The following ZCCHC7 variants were observed in gnomAD, a reference collection of about 807,000 sequenced individuals.
ZCCHC7 encodes the protein zinc finger CCHC domain-containing protein 7.
ZCCHC7 carries 35 observed loss-of-function variants against 52.0 expected under a neutral mutation model. The observed-to-expected ratio is 0.67, with a 90% CI of 0.51 to 0.89. The LOEUF is 0.89. ZCCHC7 is among the 40% of genes least tolerant of loss of function. ZCCHC7 has a pLI of 0.00. For synonymous variants in ZCCHC7, 217 were observed against 221.5 expected, an observed-to-expected ratio of 0.98 and a Z score of 0.18; for missense variants, 574 against 649.1, an observed-to-expected ratio of 0.88 and a Z score of 1.26.
rs796755394 is a variant in ZCCHC7, at chr9:37,258,901, G to C, written c.611-43287G>C. Among the ~76,000 whole-genome samples, 21 of 151,458 alleles carry C rather than the reference G, an allele frequency of 1.4e-4. 1 individual carries two copies. The South Asian group carries it at 4.4e-3, about 32-fold the overall frequency. ...CTTTTAAGATCAGGATTGTAGGATT[G>C]TAGCACAGAAGTTAAAGAAAAGTGG... On this transcript the variant is annotated intron_variant, in intron 2 of 8. Coordinates refer to ENST00000336755, the MANE Select transcript of ZCCHC7 (RefSeq NM_032226.3).
chr9:37,229,377 G>A (rs576355306), intron 2 of ZCCHC7, among the ~76,000 whole-genome samples: 2 of 152,204 alleles, frequency 1.3e-5, no homozygotes, highest in East Asian at 3.9e-4. Context: ...GTGTAGTTAG[G>A]TGATTTTATC....
At chr9:37,205,843 A>G (rs1823878354) in intron 2 of ZCCHC7, among the ~76,000 whole-genome samples, 1 of 151,942 alleles carries the variant, frequency 6.6e-6, no homozygotes, top group African/African-American at 2.4e-5. Context: ...TTGGTGAGGA[A>G]AGTTGAAATC....
chr9:37,221,106 G>A (rs1203703184), intron 2 of ZCCHC7, among the ~76,000 whole-genome samples: 1 of 152,182 alleles, frequency 6.6e-6, no homozygotes, highest in Non-Finnish European at 1.5e-5. Flanking sequence ...TAGCCACAGA[G>A]GCACATCAGT....
intron 2 of ZCCHC7, among the ~76,000 whole-genome samples, chr9:37,133,153 A>G (rs1221605390): frequency 6.6e-6 from 1 of 152,068 alleles, no homozygotes; most frequent in Admixed American, 6.6e-5. Context: ...AAAATTAACA[A>G]AACAATCTCA....
At chr9:37,197,314 T>C (rs993100627) in intron 2 of ZCCHC7, among the ~76,000 whole-genome samples, 4 of 152,178 alleles carry the variant, frequency 2.6e-5, no homozygotes, top group African/African-American at 9.7e-5. Context: ...AGACCTGACA[T>C]TGTCTGTGAG....
chr9:37,170,372 T>C (rs1459150849), intron 2 of ZCCHC7, among the ~76,000 whole-genome samples: 4 of 152,224 alleles, frequency 2.6e-5, no homozygotes, highest in African/African-American at 7.2e-5. Context: ...ATTCTGTTTG[T>C]AAGCTACCTA....
intron 2 of ZCCHC7, among the ~76,000 whole-genome samples, chr9:37,156,042 T>C (rs1452962873): frequency 1.3e-5 from 2 of 152,216 alleles, no homozygotes; most frequent in East Asian, 1.9e-4. Context: ...AGCTTGGCCA[T>C]GTTAGTTCAT....
At chr9:37,308,980 CAAAAA>C (rs56871245) in intron 5 of ZCCHC7, among the ~76,000 whole-genome samples, 2 of 107,308 alleles carry the variant, frequency 1.9e-5, no homozygotes, top group Non-Finnish European at 4.0e-5. Flanking sequence ...AGTCTGTATC[CAAAAA>C]AAAAAAAAAA....
chr9:37,275,230 T>C (rs780091152), intron 2 of ZCCHC7, among the ~76,000 whole-genome samples: 2 of 152,132 alleles, frequency 1.3e-5, no homozygotes, highest in African/African-American at 2.4e-5. Context: ...CAGTTGGGCC[T>C]TATCCTGACT....
Sources: allele counts gnomAD v4.1 joint callset (sites outside exome capture counted in the v4.1 genomes callset), GRCh38; gene constraint gnomAD v4.1.1; transcripts MANE v1.5; gene names NCBI Gene and HGNC (gene_info 2026-07-23, HGNC 2026-07-21).